Variants in DIP2C observed in about 807,000 individuals in gnomAD.
DIP2C encodes the protein DIP2 acetate--CoA ligase C (putative), also known as disco-interacting protein 2 homolog C.
In DIP2C, 33 loss-of-function variants were observed where a neutral mutation model predicts 192.4. The ratio of observed to expected loss-of-function variants is 0.17; its 90% CI spans 0.13 to 0.23. The LOEUF is 0.23. DIP2C is among the 10% of genes least tolerant of loss of function. DIP2C has a pLI of 1.00. For missense variants in DIP2C, 1,537 were observed against 2,110.1 expected (o/e 0.73, Z 5.32); for synonymous variants, 979 against 864.1 (o/e 1.13, Z -2.33).
At chr10:531,866 G>A (rs1847389758) in intron 1 of DIP2C, among the ~76,000 whole-genome samples, 1 of 152,202 alleles carries the variant, frequency 6.6e-6, no homozygotes, top group Non-Finnish European at 1.5e-5. Flanking sequence ...ACTCCAGCAC[G>A]CGGCAGCTTC....
intron 1 of DIP2C, among the ~76,000 whole-genome samples, chr10:569,404 T>C (rs1849644492): frequency 3.3e-5 from 5 of 152,052 alleles, no homozygotes. Flanking sequence ...GCAATTCAGC[T>C]AAGTATTATA....
Position 414,739 on chromosome 10 carries a change from G to GTGTATATATATATATATATATA in DIP2C, c.860-630_860-629insTATATATATATATATATATACA. ...TGTGTGTGTGTGTGTGTGTGTGTGT[G>GTGTATATATATATATATATATA]TACATATATATATATATAATGTGTA... On this transcript the variant is annotated intron_variant, in intron 7 of 36. Coordinates refer to ENST00000280886, the MANE Select transcript of DIP2C (RefSeq NM_014974.3). 1.4e-3 allele frequency among the ~76,000 whole-genome samples: 125 copies of GTGTATATATATATATATATATA among 90,516 alleles called. 2 individuals are homozygous for GTGTATATATATATATATATATA. Among genetic ancestry groups the GTGTATATATATATATATATATA allele is most frequent in the South Asian group, 2.8e-3 (7 of 2,510 alleles). The allele number at this position is 90,516 out of a possible 152,430, so 59.4% of individuals were successfully genotyped here. A position where few individuals can be genotyped will look rare whatever the true frequency, so the allele number is the denominator to read the frequency against.
chr10:346,631 C>T (rs202068391), intron 26 of DIP2C, among the ~76,000 whole-genome samples: 3 of 107,056 alleles, frequency 2.8e-5, no homozygotes, highest in Admixed American at 9.1e-5. Flanking sequence ...CCCGGGAACC[C>T]CACACTCACC....
At chr10:460,117 T>C (rs531240723) in intron 3 of DIP2C, among the ~76,000 whole-genome samples, 1 of 149,628 alleles carries the variant, frequency 6.7e-6, no homozygotes, top group African/African-American at 2.5e-5. Context: ...AGGATCTTCC[T>C]CTCACAGTCA....
At chr10:423,314 T>C (rs1410503019) in intron 4 of DIP2C, among the ~76,000 whole-genome samples, 1 of 152,306 alleles carries the variant, frequency 6.6e-6, no homozygotes, top group East Asian at 1.9e-4. Context: ...ACACAGCAGT[T>C]TGGGAAGAAA....
chr10:427,469 A>G (rs1966666011), intron 4 of DIP2C, among the ~76,000 whole-genome samples: 1 of 152,234 alleles, frequency 6.6e-6, no homozygotes, highest in Non-Finnish European at 1.5e-5. Flanking sequence ...TCTGTCTGCT[A>G]CAGAACAGTT....
chr10:457,025 A>AT (rs1969357496), intron 3 of DIP2C, among the ~76,000 whole-genome samples: 1 of 152,038 alleles, frequency 6.6e-6, no homozygotes, highest in Admixed American at 6.6e-5. Context: ...TGATTCCTAG[A>AT]TTTTCCATCT....
intron 1 of DIP2C, among the ~76,000 whole-genome samples, chr10:640,641 G>A (rs932761054): frequency 1.3e-5 from 2 of 151,142 alleles, no homozygotes; most frequent in Non-Finnish European, 2.9e-5. Flanking sequence ...GCGGGGATGA[G>A]GGTGCGCGCG....
chr10:553,985 A>G (rs963307043), intron 1 of DIP2C, among the ~76,000 whole-genome samples: 1 of 152,032 alleles, frequency 6.6e-6, no homozygotes, highest in African/African-American at 2.4e-5. Context: ...TAACTGTAAG[A>G]GTGGCGAACA....
chr10:617,379 G>A (rs1853541842), intron 1 of DIP2C, among the ~76,000 whole-genome samples: 1 of 152,172 alleles, frequency 6.6e-6, no homozygotes, highest in Admixed American at 6.5e-5. Context: ...ATGTGAGATG[G>A]GAATGGTAAC....
intron 1 of DIP2C, among the ~76,000 whole-genome samples, chr10:534,342 T>C (rs1480315196): frequency 6.6e-6 from 1 of 152,222 alleles, no homozygotes; most frequent in Non-Finnish European, 1.5e-5. Flanking sequence ...AGGAGCCAGA[T>C]GGTCAGGAGT....
Position 383,864 on chromosome 10 carries a change from T to C in DIP2C, c.1876+163A>G, listed in dbSNP as rs113463313. 6.1e-3 allele frequency among the ~76,000 whole-genome samples: 922 copies of C among 151,868 alleles called. 4 individuals carry two copies. The highest frequency in any genetic ancestry group is 0.014 in the Middle Eastern group (4 of 294). On this transcript the variant is annotated intron_variant, in intron 16 of 36. Coordinates refer to ENST00000280886, the MANE Select transcript of DIP2C (RefSeq NM_014974.3). ...TTACTGTTTGGTGATTTTAAGACAA[T>C]TTCTTTACTAAGATAAGGATTAGAA...
At chr10:311,707 C>T (rs762557727) in intron 31 of DIP2C, 5 of 593,396 alleles carry the variant, frequency 8.4e-6, no homozygotes, top group African/African-American at 1.9e-5. Context: ...GAGGAGAATG[C>T]GAAAAGCAGG....
Position 636,935 on chromosome 10 carries a change from G to A in DIP2C, c.85+52559C>T, listed in dbSNP as rs559857740. Among the ~76,000 whole-genome samples, 3 of 152,232 alleles carry A rather than the reference G, an allele frequency of 2.0e-5. No homozygotes were observed. The highest frequency in any genetic ancestry group is 6.5e-5 in the Admixed American group (1 of 15,282). On this transcript the variant is annotated intron_variant, in intron 1 of 36. Transcript: ENST00000280886. This position sits in a 1 kb window ranked among gnomAD's most constrained non-coding sequence, Gnocchi z 4.6. ...GGAGCTCCTAGTCCTGCTCCCCGAC[G>A]GCATAGCTGCGACCGGCACCACATG...
chr10:640,894 G>C (rs1325471613), intron 1 of DIP2C, among the ~76,000 whole-genome samples: 1 of 152,094 alleles, frequency 6.6e-6, no homozygotes, highest in Non-Finnish European at 1.5e-5. Context: ...GCCCCACCCA[G>C]AGGGGCTGCA....
intron 1 of DIP2C, among the ~76,000 whole-genome samples, chr10:587,565 C>T (rs1433205988): frequency 6.6e-6 from 1 of 152,226 alleles, no homozygotes; most frequent in Non-Finnish European, 1.5e-5. Context: ...TAACAAGTCG[C>T]TTCAGCCCTG....
At chr10:429,779 A>G (rs919735712) in intron 4 of DIP2C, among the ~76,000 whole-genome samples, 1 of 151,940 alleles carries the variant, frequency 6.6e-6, no homozygotes, top group Admixed American at 6.6e-5. Flanking sequence ...TTATACATTC[A>G]CCTACTGAGG....
At chr10:398,962 C>T (rs1964199950) in intron 10 of DIP2C, 147 bp downstream of exon 10, 3 of 652,490 alleles carry the variant, frequency 4.6e-6, no homozygotes, top group Non-Finnish European at 8.0e-6. Flanking sequence ...GGCTGCAGGG[C>T]CCACTAGCGA....
intron 9 of DIP2C, among the ~76,000 whole-genome samples, chr10:404,210 ATTTTTT>A (rs200567522): frequency 3.7e-4 from 54 of 146,438 alleles, no homozygotes; most frequent in Non-Finnish European, 6.7e-4. Flanking sequence ...TTCATTCTGG[ATTTTTT>A]TTTTTTTTTT....
Sources: allele counts gnomAD v4.1 joint callset (sites outside exome capture counted in the v4.1 genomes callset), GRCh38; gene constraint gnomAD v4.1.1; non-coding constraint Gnocchi (gnomAD v3.1); transcripts MANE v1.5; gene names NCBI Gene and HGNC (gene_info 2026-07-23, HGNC 2026-07-21).